The following KAZN variants were observed in gnomAD, a reference collection of about 807,000 sequenced individuals.
KAZN encodes the protein kazrin, periplakin interacting protein, also known as kazrin.
Under a neutral mutation model 87.4 loss-of-function variants are expected in KAZN, and 40 were observed. The observed-to-expected ratio is 0.46, with a 90% CI of 0.36 to 0.60. The LOEUF is 0.60. KAZN is among the 20% of genes least tolerant of loss of function. KAZN has a pLI of 0.00. For missense variants in KAZN, 898 were observed against 1,073.9 expected, an observed-to-expected ratio of 0.84 and a Z score of 2.29; for synonymous variants, 466 against 458.3, an observed-to-expected ratio of 1.02 and a Z score of -0.22.
At chr1:14,203,430 T>C (rs1029744826) in intron 2 of KAZN, among the ~76,000 whole-genome samples, 4 of 152,218 alleles carry the variant, frequency 2.6e-5, no homozygotes, top group Admixed American at 2.0e-4. Flanking sequence ...CACTCCTTAA[T>C]CCTTTTCTTT....
At chr1:14,655,093 G>C (rs1190216455) in intron 1 of KAZN, among the ~76,000 whole-genome samples, 1 of 152,200 alleles carries the variant, frequency 6.6e-6, no homozygotes, top group Non-Finnish European at 1.5e-5. Flanking sequence ...AGGGGTCTGA[G>C]GATTTATGTG....
chr1:14,655,295 T>C (rs1638718517), intron 1 of KAZN, among the ~76,000 whole-genome samples: 1 of 152,206 alleles, frequency 6.6e-6, no homozygotes, highest in East Asian at 1.9e-4. Context: ...TCTTTCTGGA[T>C]TCTCTACCTG....
chr1:14,401,721 A>G (rs971036840), intron 2 of KAZN, among the ~76,000 whole-genome samples: 4 of 152,154 alleles, frequency 2.6e-5, no homozygotes, highest in Non-Finnish European at 5.9e-5. Context: ...GTAAAAATAA[A>G]TCTATCAATA....
chr1:14,720,462 T>C (rs1643035374), intron 1 of KAZN, among the ~76,000 whole-genome samples: 1 of 152,338 alleles, frequency 6.6e-6, no homozygotes, highest in East Asian at 1.9e-4. Context: ...TTCTGAAACC[T>C]GCCTCATGGA....
At chr1:14,216,729 C>T (rs1646963927) in intron 2 of KAZN, among the ~76,000 whole-genome samples, 1 of 152,036 alleles carries the variant, frequency 6.6e-6, no homozygotes, top group Admixed American at 6.6e-5. Flanking sequence ...ATGGCAAAAC[C>T]CCGTCTCTAC....
At chr1:14,219,812 A>G (rs1647052408) in intron 2 of KAZN, among the ~76,000 whole-genome samples, 1 of 152,236 alleles carries the variant, frequency 6.6e-6, no homozygotes, top group African/African-American at 2.4e-5. Context: ...TTTAAAAACC[A>G]TCAATTCACA....
intron 2 of KAZN, among the ~76,000 whole-genome samples, chr1:14,225,045 G>A (rs1047653069): frequency 5.3e-5 from 8 of 152,076 alleles, no homozygotes; most frequent in Non-Finnish European, 1.0e-4. Context: ...AGAAGTCCTA[G>A]CCAGAGCAAT....
intron 1 of KAZN, among the ~76,000 whole-genome samples, chr1:14,136,419 C>T (rs1645110668): frequency 6.6e-6 from 1 of 152,146 alleles, no homozygotes; most frequent in South Asian, 2.1e-4. Flanking sequence ...TCATAAAGTG[C>T]TTAACCCAGA....
chr1:14,262,465 A>G (rs1304154124), intron 2 of KAZN, among the ~76,000 whole-genome samples: 5 of 152,174 alleles, frequency 3.3e-5, no homozygotes, highest in African/African-American at 9.7e-5. Context: ...AACTTTCTAC[A>G]TGTTGCTGGT....
rs909488997 is a variant in KAZN, at chr1:14,431,755, T to C, written c.250-167228T>C. On this transcript the variant is annotated intron_variant, in intron 2 of 16. Transcript: ENST00000636203. The stretch of plus-strand genomic sequence containing the variant: ...CATTAGACTCCAGGGTCTTCAGCCT[T>C]TGGACTCTGGGACTTGCACCAGTGG... Among the ~76,000 whole-genome samples, 4 of 152,264 alleles carry C rather than the reference T, an allele frequency of 2.6e-5. No individual in the cohort carries two copies. In the East Asian group the frequency reaches 7.7e-4, roughly 29 times the overall value.
chr1:14,350,208 C>A (rs1256617897), intron 2 of KAZN, among the ~76,000 whole-genome samples: 1 of 151,684 alleles, frequency 6.6e-6, no homozygotes, highest in Non-Finnish European at 1.5e-5. Flanking sequence ...GTTTCTGTCA[C>A]CCTCTGGATC....
At chr1:14,221,678 A>G (rs1382645099) in intron 2 of KAZN, among the ~76,000 whole-genome samples, 1 of 152,182 alleles carries the variant, frequency 6.6e-6, no homozygotes, top group Middle Eastern at 3.2e-3. Context: ...GCTATAATCA[A>G]CCACCACTGA....
chr1:14,059,142 A>G (rs1436872211), intron 1 of KAZN, among the ~76,000 whole-genome samples: 1 of 152,218 alleles, frequency 6.6e-6, no homozygotes, highest in Non-Finnish European at 1.5e-5. Flanking sequence ...GGGACAGACC[A>G]ATAGGATATA....
At chr1:14,296,444 C>G (rs1416369074) in intron 2 of KAZN, among the ~76,000 whole-genome samples, 1 of 152,138 alleles carries the variant, frequency 6.6e-6, no homozygotes, top group Non-Finnish European at 1.5e-5. Context: ...GTACATTTCT[C>G]ATGGGCCTGT....
chr1:14,582,828 G>A (rs2148565652), intron 2 of KAZN, among the ~76,000 whole-genome samples: 1 of 152,286 alleles, frequency 6.6e-6, no homozygotes, highest in African/African-American at 2.4e-5. Flanking sequence ...ATCAATGAAT[G>A]ACATATCTTC....
intron 1 of KAZN, among the ~76,000 whole-genome samples, chr1:14,762,238 T>TG (rs1197935543): frequency 6.6e-6 from 1 of 152,234 alleles, no homozygotes; most frequent in African/African-American, 2.4e-5. Context: ...CGCCATTCGA[T>TG]GGGGAAGGGC....
Position 14,856,555 on chromosome 1 carries a change from C to T in KAZN, c.227-104129C>T, listed in dbSNP as rs542353819. ...TGCTCATTAATATGAACACTATGTT[C>T]ATTAGTATAAAACATTCCATATTTT... On this transcript the variant is annotated intron_variant, in intron 1 of 14. Coordinates refer to ENST00000376030, the MANE Select transcript of KAZN (RefSeq NM_201628.3). This position sits in a 1 kb window ranked among gnomAD's most constrained non-coding sequence, Gnocchi z 5.2. Among the ~76,000 whole-genome samples the T allele has an allele frequency of 4.4e-4, 67 of 152,278 alleles. No individual in the cohort carries two copies. In the Middle Eastern group the frequency reaches 0.01, roughly 23 times the overall value.
intron 2 of KAZN, among the ~76,000 whole-genome samples, chr1:14,591,353 G>A (rs1676188178): frequency 6.6e-6 from 1 of 151,794 alleles, no homozygotes; most frequent in Non-Finnish European, 1.5e-5. Context: ...CAGAGGCTGT[G>A]ACAGAGTCGA....
chr1:14,637,820 T>A (rs1680108956), intron 1 of KAZN, among the ~76,000 whole-genome samples: 1 of 152,234 alleles, frequency 6.6e-6, no homozygotes, highest in Non-Finnish European at 1.5e-5. Context: ...TTCTGAGGGC[T>A]ACTGTGACAA....
Sources: gnomAD v4.1 joint callset for allele counts (sites outside exome capture counted in the v4.1 genomes callset) on GRCh38, gnomAD v4.1.1 for gene constraint, Gnocchi (gnomAD v3.1) non-coding constraint, MANE v1.5 for transcripts, NCBI Gene and HGNC (gene_info 2026-07-23, HGNC 2026-07-21) for gene names.